Variants in PRR16 observed in about 807,000 individuals in gnomAD.
PRR16 encodes protein Largen.
In PRR16, 6 loss-of-function variants were observed where a neutral mutation model predicts 18.2. The ratio of observed to expected loss-of-function variants is 0.33; its 90% CI spans 0.18 to 0.65. PRR16 has a LOEUF of 0.65. Ranked by LOEUF, PRR16 falls within the 30% of genes least tolerant of loss-of-function variation. PRR16 has a pLI of 0.74. For missense variants in PRR16, 412 were observed against 376.6 expected, an observed-to-expected ratio of 1.09 and a Z score of -0.78; for synonymous variants, 151 against 147.8, an observed-to-expected ratio of 1.02 and a Z score of -0.16.
At chr5:120,789,626 A>AT in the PRR16 span, among the ~76,000 whole-genome samples, 2 of 152,114 alleles carry the variant, frequency 1.3e-5, no homozygotes, top group African/African-American at 4.8e-5. Context: ...TTTCTTAACT[A>AT]TTTTGAGAAC....
rs559471476 is a variant in PRR16 at position 120,590,624 on chromosome 5, G to A, written c.160-95330G>A. On this transcript the variant is annotated intron_variant, in intron 1 of 1. Transcript: ENST00000407149. ...TTACACTTGAATGAAGTTATTGGGA[G>A]ACTTAGAAGTTAGACAAATCCTGGT... Among the ~76,000 whole-genome samples, 3 of 152,190 alleles carry A rather than the reference G, an allele frequency of 2.0e-5. No homozygotes were observed. In the East Asian group the frequency reaches 5.8e-4, roughly 29 times the overall value.
At chr5:120,629,124 A>G (rs942085011) in intron 1 of PRR16, among the ~76,000 whole-genome samples, 1 of 152,102 alleles carries the variant, frequency 6.6e-6, no homozygotes, top group Non-Finnish European at 1.5e-5. Context: ...ATGAGTAAGA[A>G]CATGTCGTAT....
chr5:120,466,504 T>G (rs1290230412), intron 1 of PRR16, among the ~76,000 whole-genome samples: 1 of 152,212 alleles, frequency 6.6e-6, no homozygotes, highest in Non-Finnish European at 1.5e-5. Context: ...CACTCACTTT[T>G]TTTGCACAGA....
chr5:120,695,933 G>GTA, the PRR16 span, among the ~76,000 whole-genome samples: 1 of 21,908 alleles, frequency 4.6e-5, no homozygotes, highest in Non-Finnish European at 1.1e-4. Flanking sequence ...ATATATGTGT[G>GTA]TGTGTATATA....
At chr5:120,504,143 T>G (rs376039502) in intron 1 of PRR16, among the ~76,000 whole-genome samples, 82 of 152,210 alleles carry the variant, frequency 5.4e-4, no homozygotes, top group African/African-American at 1.8e-3. Context: ...CATTTAGCAT[T>G]AGGTATATCT....
chr5:120,530,458 C>T (rs1042799605), intron 1 of PRR16, among the ~76,000 whole-genome samples: 2 of 151,320 alleles, frequency 1.3e-5, no homozygotes, highest in Non-Finnish European at 2.9e-5. Flanking sequence ...GTTCATCATT[C>T]ACTTTCTTTC....
intron 1 of PRR16, among the ~76,000 whole-genome samples, chr5:120,594,756 G>A (rs1380911153): frequency 6.6e-6 from 1 of 151,742 alleles, no homozygotes; most frequent in Non-Finnish European, 1.5e-5. Flanking sequence ...GTACAAACAC[G>A]GACAGGTAGA....
At chr5:120,608,671 T>A (rs189360570) in intron 1 of PRR16, among the ~76,000 whole-genome samples, 1 of 152,316 alleles carries the variant, frequency 6.6e-6, no homozygotes, top group East Asian at 1.9e-4. Context: ...TTTTTCTAAC[T>A]TATTTTCAAC....
chr5:120,473,215 A>G (rs1323306279), intron 1 of PRR16, among the ~76,000 whole-genome samples: 1 of 152,192 alleles, frequency 6.6e-6, no homozygotes, highest in Non-Finnish European at 1.5e-5. Flanking sequence ...TATCAGAGGT[A>G]TATTTATGTT....
chr5:120,699,510 G>C, the PRR16 span, among the ~76,000 whole-genome samples: 1 of 152,024 alleles, frequency 6.6e-6, no homozygotes, highest in African/African-American at 2.4e-5. Context: ...TTGTGGGAGA[G>C]TCAAGAAAAA....
chr5:120,580,636 T>C (rs1753242217), intron 1 of PRR16, among the ~76,000 whole-genome samples: 1 of 151,936 alleles, frequency 6.6e-6, no homozygotes, highest in Admixed American at 6.6e-5. Flanking sequence ...TTTGTATTTT[T>C]AGTAGAGATG....
chr5:120,745,648 GT>G, the PRR16 span, among the ~76,000 whole-genome samples: 3 of 111,122 alleles, frequency 2.7e-5, no homozygotes, highest in South Asian at 7.9e-4. Context: ...TTGTTGCTTT[GT>G]TTTGTTTTGT....
At chr5:120,656,467 C>CAAA (rs34228222) in intron 1 of PRR16, among the ~76,000 whole-genome samples, 1 of 93,472 alleles carries the variant, frequency 1.1e-5, no homozygotes, top group African/African-American at 4.1e-5. Context: ...TAATCACTCT[C>CAAA]AAAAAAAAAA....
chr5:120,542,422 A>G (rs1751944743), intron 1 of PRR16, among the ~76,000 whole-genome samples: 2 of 152,212 alleles, frequency 1.3e-5, no homozygotes, highest in South Asian at 2.1e-4. Context: ...CTCTATCACT[A>G]TTAACATTTT....
chr5:120,676,316 A>G (rs1055573318), intron 1 of PRR16, among the ~76,000 whole-genome samples: 1 of 152,166 alleles, frequency 6.6e-6, no homozygotes, highest in Non-Finnish European at 1.5e-5. Context: ...ATCTCCTTAA[A>G]AAAGAGTAGT....
the PRR16 span, among the ~76,000 whole-genome samples, chr5:120,714,613 A>G: frequency 2.6e-5 from 4 of 152,180 alleles, no homozygotes; most frequent in Non-Finnish European, 5.9e-5. Flanking sequence ...AAAAAATGCT[A>G]TTTGATCCAG....
downstream of PRR16, among the ~76,000 whole-genome samples, chr5:120,690,214 C>A (rs2150158632): frequency 6.6e-6 from 1 of 152,288 alleles, no homozygotes. Flanking sequence ...GTCTCTGAAA[C>A]TATACAAGAC....
At chr5:120,490,253 T>A (rs1206031308) in intron 1 of PRR16, among the ~76,000 whole-genome samples, 5 of 152,178 alleles carry the variant, frequency 3.3e-5, no homozygotes, top group Non-Finnish European at 5.9e-5. Context: ...GTGTTTTCCA[T>A]CTTGGTTCCA....
At chr5:120,515,712 A>C (rs1750967621) in intron 1 of PRR16, among the ~76,000 whole-genome samples, 1 of 152,192 alleles carries the variant, frequency 6.6e-6, no homozygotes, top group African/African-American at 2.4e-5. Flanking sequence ...TATTTATTCA[A>C]ATGATAAATA....
Sources: gnomAD v4.1 joint callset for allele counts (sites outside exome capture counted in the v4.1 genomes callset) on GRCh38, gnomAD v4.1.1 for gene constraint, MANE v1.5 for transcripts, NCBI Gene and HGNC (gene_info 2026-07-23, HGNC 2026-07-21) for gene names.